Variants in MRPS30 observed in about 807,000 individuals in gnomAD.
MRPS30 encodes the protein large ribosomal subunit protein mL65.
A neutral mutation model predicts 43.8 loss-of-function variants in MRPS30; 42 were observed. The observed-to-expected ratio is 0.96, with a 90% CI of 0.75 to 1.24. The LOEUF (loss-of-function observed/expected upper bound fraction) is 1.24. Among genes scored for constraint, MRPS30 ranks in the 50% most tolerant of loss-of-function variants. The pLI, the probability that MRPS30 is intolerant of heterozygous loss-of-function variation, is 0.00. For synonymous variants in MRPS30, 273 were observed against 228.2 expected, an observed-to-expected ratio of 1.20 and a Z score of -1.77; for missense variants, 638 against 570.0, an observed-to-expected ratio of 1.12 and a Z score of -1.22.
chr5:44,815,166 A>T lies in MRPS30; in HGVS notation c.1284A>T (p.Arg428Ser). The T allele has an allele frequency of 6.3e-7, 1 of 1,595,622 alleles. No individual in the cohort carries two copies. The highest frequency in any genetic ancestry group is 1.1e-5 in the South Asian group (1 of 87,600). The change falls in exon 5 of 5, where the codon AGA (arginine) becomes AGT (serine). Residue 428 changes from arginine (R) to serine (S), a missense_variant. Coordinates refer to ENST00000507110, the MANE Select transcript of MRPS30 (RefSeq NM_016640.4). ...LLQIVHFLLN[R>S]PKEEKSQLLE... ...AGATAGTTCACTTTCTACTGAATAGACCAAAAGAAGAAAAATCACAGCTGT... is the reference window on the plus strand; with the variant it reads ...AGATAGTTCACTTTCTACTGAATAGTCCAAAAGAAGAAAAATCACAGCTGT...
rs754190115 is a variant in MRPS30 at position 44,811,062 on chromosome 5, C to T, written c.655C>T (p.Arg219Cys). The T allele has an allele frequency of 4.3e-6, 7 of 1,613,982 alleles. No homozygotes were observed. The highest frequency in any genetic ancestry group is 4.5e-5 in the East Asian group (2 of 44,870). ...GGTGCGTGGTGAAGAAATTATTCCT[C>T]GTGGTCATCGAAGAGGTCGAATTGA... Reference protein sequence around the residue: ...YWVRGEEIIPRGHRRGRIDDL... With the variant: ...YWVRGEEIIPCGHRRGRIDDL... Residue 219 changes from arginine (R) to cysteine (C), a missense_variant, in exon 2 of 5, where the codon CGT becomes TGT. Coordinates refer to ENST00000507110, the MANE Select transcript of MRPS30 (RefSeq NM_016640.4).
Position 44,809,386 on chromosome 5 carries a change from C to A in MRPS30, c.424C>A (p.Leu142Met), listed in dbSNP as rs1451679032. Reference protein sequence around the residue: ...EPEPALDLAALRAVACDCLLQ... With the variant: ...EPEPALDLAAMRAVACDCLLQ... ...TGAACCTGCGCTGGACCTCGCGGCG[C>A]TGCGTGCGGTCGCCTGCGACTGCCT... Residue 142 changes from leucine to methionine, a missense_variant, in exon 1 of 5, where the codon CTG becomes ATG. Coordinates refer to ENST00000507110, the MANE Select transcript of MRPS30 (RefSeq NM_016640.4). 3 of 1,609,504 alleles carry A rather than the reference C, an allele frequency of 1.9e-6. No individual in the cohort carries two copies. The highest frequency in any genetic ancestry group is 1.1e-5 in the South Asian group (1 of 90,754).
At chr5:44,811,189 T>C (rs148950341) in intron 2 of MRPS30, 35 bp downstream of exon 2, 2 of 1,606,256 alleles carry the variant, frequency 1.2e-6, no homozygotes, top group East Asian at 2.2e-5. Context: ...TCTATTGATA[T>C]CTCGTGTAGG....
Position 44,815,382 on chromosome 5 carries a change from G to C in MRPS30, c.*180G>C. ...TTCATCACTGAAAGATTTAATTTTA[G>C]TTACCTTTTGTTGATTTAAAAATAA... On this transcript the variant is annotated 3_prime_UTR_variant, in exon 5 of 5. Transcript: ENST00000507110. The C allele has an allele frequency of 1.9e-6, 1 of 534,946 alleles. No individual in the cohort carries two copies. The highest frequency in any genetic ancestry group is 3.6e-5 in the South Asian group (1 of 28,066). 33.1% of individuals were successfully genotyped at this position (534,946 alleles called of 1,614,324 possible).
At chr5:44,812,066 G>A in intron 3 of MRPS30, 46 bp downstream of exon 3, 3 of 1,366,052 alleles carry the variant, frequency 2.2e-6, no homozygotes, top group Non-Finnish European at 3.0e-6. Context: ...TGTTCCAAGT[G>A]TCGTATGCAA....
intron 4 of MRPS30, 22 bp from the exon 5 acceptor site, chr5:44,814,891 T>A (rs1454385542): frequency 6.3e-7 from 1 of 1,575,532 alleles, no homozygotes; most frequent in African/African-American, 1.4e-5. Flanking sequence ...TGTGTAAATT[T>A]CAGCATAACT....
chr5:44,812,057 G>A, intron 3 of MRPS30, 37 bp downstream of exon 3: 1 of 1,430,436 alleles, frequency 7.0e-7, no homozygotes, highest in Non-Finnish European at 9.6e-7. Context: ...CCATAAATGT[G>A]TTCCAAGTGT....
At chr5:44,813,969 CT>C (rs1230719156) in intron 4 of MRPS30, among the ~76,000 whole-genome samples, 2 of 152,146 alleles carry the variant, frequency 1.3e-5, no homozygotes, top group Non-Finnish European at 2.9e-5. Context: ...CTAAAAATGA[CT>C]TACTCTAAGA....
At chr5:44,810,688 T>C (rs929388081) in intron 1 of MRPS30, among the ~76,000 whole-genome samples, 5 of 152,230 alleles carry the variant, frequency 3.3e-5, no homozygotes, top group African/African-American at 1.2e-4. Flanking sequence ...TTGGGAGTTA[T>C]TGTGAAAATT....
At chr5:44,809,859 G>A (rs1742801176) in intron 1 of MRPS30, 1 of 379,664 alleles carries the variant, frequency 2.6e-6, no homozygotes, top group South Asian at 6.7e-5. Flanking sequence ...TGGAAGAGCA[G>A]TGGTGATGAA....
Position 44,815,192 on chromosome 5 carries a change from T to C in MRPS30, c.1310T>C (p.Leu437Ser). ...CCAAAAGAAGAAAAATCACAGCTGT[T>C]GGAAAACTGAAAAAGCATATTTGAT... ...NRPKEEKSQL[L>S]EN Residue 437 changes from leucine to serine, a missense_variant, in exon 5 of 5, where the codon TTG (leucine) becomes TCG (serine). By Grantham distance (145) the Leu-to-Ser change is moderately radical. Coordinates refer to ENST00000507110, the MANE Select transcript of MRPS30 (RefSeq NM_016640.4). The C allele has an allele frequency of 6.3e-7, 1 of 1,581,850 alleles. No homozygotes were observed. Among genetic ancestry groups the C allele is most frequent in the Non-Finnish European group, 8.6e-7 (1 of 1,168,892 alleles).
intron 4 of MRPS30, among the ~76,000 whole-genome samples, chr5:44,814,519 T>TTGCTA (rs1447823803): frequency 6.6e-6 from 1 of 152,172 alleles, no homozygotes; most frequent in Non-Finnish European, 1.5e-5. Context: ...TATTACTCAT[T>TTGCTA]TGCTATCTCC....
In MRPS30 at chr5:44,814,944, T is replaced by C. The variant is rs1280680264; in HGVS notation, c.1062T>C (p.Pro354=). 2.5e-6 allele frequency: 4 copies of C among 1,612,284 alleles called. No individual in the cohort carries two copies. The highest frequency in any genetic ancestry group is 3.4e-6 in the Non-Finnish European group (4 of 1,179,146). Residue 354 remains proline (P), a synonymous_variant, in exon 5 of 5, where the codon CCT becomes CCC. Transcript: ENST00000507110. The part of the protein sequence containing the change: ...GFWSEADVTR[P]FVSQAVITDG... ...GGAGTGAAGCAGATGTTACTCGACC[T>C]TTTGTCTCCCAGGCTGTGATCACAG...
intron 3 of MRPS30, among the ~76,000 whole-genome samples, chr5:44,812,725 A>T (rs1310792810): frequency 6.6e-6 from 1 of 152,092 alleles, no homozygotes; most frequent in Non-Finnish European, 1.5e-5. Context: ...TTATTTCATT[A>T]AATAAGTTAT....
chr5:44,813,108 T>C lies in MRPS30; in HGVS notation c.856T>C (p.Ser286Pro), dbSNP rs1293538768. The change falls in exon 4 of 5, where the codon TCA becomes CCA. Residue 286 changes from serine (S) to proline (P), a missense_variant and splice_region_variant. Physicochemically the swap from Ser to Pro is moderately conservative, Grantham distance 74. Transcript: ENST00000507110. Reference sequence around the variant, plus strand: ...AATGTTTTTATTTTGCTCTTCAGGCTCAAAAACTGCAGATCCTTGCTGTTA... The same window carrying C: ...AATGTTTTTATTTTGCTCTTCAGGCCCAAAAACTGCAGATCCTTGCTGTTA... ...RQYENHIFVG[S>P]KTADPCCYGH... 3 of 1,610,744 alleles carry C rather than the reference T, an allele frequency of 1.9e-6. No homozygotes were observed. The African/African-American group carries it at 4.0e-5, about 22-fold the overall frequency.
At chr5:44,809,604 G>T in intron 1 of MRPS30, 41 bp downstream of exon 1, 1 of 1,523,984 alleles carries the variant, frequency 6.6e-7, no homozygotes, top group African/African-American at 1.4e-5. Flanking sequence ...GGGAGAGATG[G>T]GGATTGTACT....
At chr5:44,812,065 T>C in intron 3 of MRPS30, 45 bp downstream of exon 3, 1 of 1,377,418 alleles carries the variant, frequency 7.3e-7, no homozygotes, top group Non-Finnish European at 1.0e-6. Context: ...GTGTTCCAAG[T>C]GTCGTATGCA....
At position 44,811,827 on chromosome 5, in the gene MRPS30, C is replaced by A. The variant is rs951870480; in HGVS notation, c.748-88C>A. The A allele has an allele frequency of 3.4e-5, 27 of 796,684 alleles. No individual in the cohort carries two copies. The African/African-American group carries it at 4.7e-4, about 14-fold the overall frequency. The allele number at this position is 796,684 out of a possible 1,614,324, so 49.4% of individuals were successfully genotyped here. On this transcript the variant is annotated intron_variant, in intron 2 of 4. Coordinates refer to ENST00000507110, the MANE Select transcript of MRPS30 (RefSeq NM_016640.4). ...ATCAAATCATTTTGTGAAATCACCT[C>A]ATTTTAAGATTTTTAAATCTAATGA...
chr5:44,811,230 T>C, intron 2 of MRPS30, 76 bp downstream of exon 2: 1 of 1,484,602 alleles, frequency 6.7e-7, no homozygotes, highest in Non-Finnish European at 9.2e-7. Flanking sequence ...GTAATAGTCT[T>C]AGTAGAATAA....
Sources: gnomAD v4.1 joint callset for allele counts (sites outside exome capture counted in the v4.1 genomes callset) on GRCh38, gnomAD v4.1.1 for gene constraint, MANE v1.5 for transcripts, NCBI Gene and HGNC (gene_info 2026-07-23, HGNC 2026-07-21) for gene names.